Variants in LMX1A observed in about 807,000 individuals in gnomAD.
LMX1A encodes LIM homeobox transcription factor 1 alpha, also known as LIM homeobox transcription factor 1-alpha.
LMX1A carries 15 observed loss-of-function variants against 49.1 expected under a neutral mutation model. The observed-to-expected ratio is 0.31, with a 90% CI of 0.20 to 0.47. The LOEUF is 0.47. LMX1A is among the 20% of genes least tolerant of loss of function. The pLI is 1.00. For missense variants in LMX1A, 372 were observed against 475.8 expected, an observed-to-expected ratio of 0.78 and a Z score of 2.03; for synonymous variants, 167 against 185.7, an observed-to-expected ratio of 0.90 and a Z score of 0.82.
intron 4 of LMX1A, among the ~76,000 whole-genome samples, chr1:165,232,875 T>C (rs1422087065): frequency 6.6e-6 from 1 of 152,162 alleles, no homozygotes; most frequent in Non-Finnish European, 1.5e-5. Context: ...TTCCCAACCA[T>C]ATGAAAAGGG....
chr1:165,316,837 C>T (rs1156503261), intron 3 of LMX1A, among the ~76,000 whole-genome samples: 1 of 152,138 alleles, frequency 6.6e-6, no homozygotes, highest in Non-Finnish European at 1.5e-5. Flanking sequence ...CCTCCCCATC[C>T]GGATCCCACA....
chr1:165,260,724 C>G (rs191551609), intron 3 of LMX1A, among the ~76,000 whole-genome samples: 218 of 152,254 alleles, frequency 1.4e-3, no homozygotes, highest in African/African-American at 4.9e-3. Context: ...AACATGACTC[C>G]TGTTCTCAAG....
At chr1:165,255,302 T>C (rs1440684086) in intron 3 of LMX1A, among the ~76,000 whole-genome samples, 1 of 152,236 alleles carries the variant, frequency 6.6e-6, no homozygotes, top group Non-Finnish European at 1.5e-5. Flanking sequence ...CCTCTCACTC[T>C]CTCTTTTCCA....
intron 3 of LMX1A, among the ~76,000 whole-genome samples, chr1:165,256,141 T>A (rs1653228202): frequency 6.6e-6 from 1 of 152,118 alleles, no homozygotes; most frequent in Non-Finnish European, 1.5e-5. Context: ...AACATGCTCC[T>A]TACACCAAGC....
At chr1:165,265,603 A>G (rs1046259602) in intron 3 of LMX1A, among the ~76,000 whole-genome samples, 4 of 152,292 alleles carry the variant, frequency 2.6e-5, no homozygotes, top group Admixed American at 6.5e-5. Context: ...AGCCATACAC[A>G]CTGGCATCAA....
At chr1:165,210,821 G>A (rs1651351003) in intron 5 of LMX1A, 45 bp from the exon 6 acceptor site, 1 of 1,446,566 alleles carries the variant, frequency 6.9e-7, no homozygotes. Context: ...GGCATCTCAG[G>A]GTAGGAGGTA....
chr1:165,245,843 G>C (rs1652833217), intron 4 of LMX1A, among the ~76,000 whole-genome samples: 1 of 152,000 alleles, frequency 6.6e-6, no homozygotes, highest in Non-Finnish European at 1.5e-5. Context: ...GGTTCTGCTA[G>C]CTTGTCAAAA....
At chr1:165,353,503 T>C (rs962654457) in intron 2 of LMX1A, among the ~76,000 whole-genome samples, 13 of 152,166 alleles carry the variant, frequency 8.5e-5, no homozygotes, top group Admixed American at 2.0e-4. Context: ...TAGAAATCAA[T>C]AATTGGCCTT....
chr1:165,356,617 G>C lies in LMX1A; in HGVS notation c.-285C>G, dbSNP rs1247246991. The C allele has an allele frequency of 1.3e-5, 2 of 152,728 alleles. No individual in the cohort carries two copies. The allele number at this position is 152,728 out of a possible 1,614,324, so 9.5% of individuals were successfully genotyped here. A position where few individuals can be genotyped will look rare whatever the true frequency, so the allele number is the denominator to read the frequency against. On this transcript the variant is annotated 5_prime_UTR_variant, in exon 1 of 9. Coordinates refer to ENST00000342310, the MANE Select transcript of LMX1A (RefSeq NM_177398.4). ...CCCGCGTCGCTCCTCAGCGGGAGGA[G>C]AGGGCCAGTTGCTTCTCCAAGGCTA... is the stretch of plus-strand genomic sequence containing the variant.
intron 3 of LMX1A, among the ~76,000 whole-genome samples, chr1:165,280,915 G>A (rs1304327143): frequency 6.6e-6 from 1 of 152,072 alleles, no homozygotes; most frequent in East Asian, 1.9e-4. Context: ...ACAGTCAATG[G>A]GGGGCAGAAA....
At chr1:165,334,186 G>A (rs971217192) in intron 3 of LMX1A, among the ~76,000 whole-genome samples, 4 of 152,192 alleles carry the variant, frequency 2.6e-5, no homozygotes, top group South Asian at 2.1e-4. Context: ...TGAGACTGCC[G>A]ACTGACCCAC....
chr1:165,208,042 TG>T lies in LMX1A; in HGVS notation c.817+20del. 1 of 1,611,540 alleles carries T rather than the reference TG, an allele frequency of 6.2e-7. No homozygotes were observed. The highest frequency in any genetic ancestry group is 8.5e-7 in the Non-Finnish European group (1 of 1,178,462). On this transcript the variant is annotated intron_variant, in intron 7 of 8. Transcript: ENST00000342310. The stretch of plus-strand genomic sequence containing the variant: ...AGCCTGGATTCCAGCCAGAACTGCC[TG>T]GGAGGAGGCACCAGCTTACCAGAGC...
intron 5 of LMX1A, among the ~76,000 whole-genome samples, chr1:165,211,856 C>T (rs1335351636): frequency 6.6e-6 from 1 of 152,108 alleles, no homozygotes; most frequent in Non-Finnish European, 1.5e-5. Context: ...CCTGGCTTCC[C>T]CTCTGTTATG....
chr1:165,281,206 A>G (rs1306463141), intron 3 of LMX1A, among the ~76,000 whole-genome samples: 1 of 152,238 alleles, frequency 6.6e-6, no homozygotes, highest in Non-Finnish European at 1.5e-5. Context: ...CTGAGAAAAA[A>G]AAAGAAAAAG....
intron 3 of LMX1A, among the ~76,000 whole-genome samples, chr1:165,294,621 A>T (rs761195815): frequency 1.3e-5 from 2 of 152,240 alleles, no homozygotes; most frequent in Non-Finnish European, 2.9e-5. Context: ...ACCCTTTAGC[A>T]GTTAAGCCTT....
intron 3 of LMX1A, among the ~76,000 whole-genome samples, chr1:165,303,424 C>G (rs1654839176): frequency 6.6e-6 from 1 of 152,180 alleles, no homozygotes; most frequent in Non-Finnish European, 1.5e-5. Flanking sequence ...GACCTTGTAC[C>G]CACTCTGGTG....
At position 165,236,857 on chromosome 1, in the gene LMX1A, T is replaced by C. The variant is rs1349508395; in HGVS notation, c.496+12551A>G. 4.6e-5 allele frequency among the ~76,000 whole-genome samples: 7 copies of C among 151,854 alleles called. No individual in the cohort carries two copies. In the East Asian group the frequency reaches 1.4e-3, roughly 29 times the overall value. ...CTATTCCACAGGAGTTCAAAGTTTT[T>C]TTTTTTTTTTAGTACATAAGTAGAA... is the stretch of plus-strand genomic sequence containing the variant. On this transcript the variant is annotated intron_variant, in intron 4 of 8. Transcript: ENST00000342310.
intron 3 of LMX1A, among the ~76,000 whole-genome samples, chr1:165,326,871 T>C (rs1445761384): frequency 6.6e-6 from 1 of 152,176 alleles, no homozygotes; most frequent in Non-Finnish European, 1.5e-5. Context: ...GCAATCACAA[T>C]TGGCATCAAG....
chr1:165,235,074 A>T (rs1479602314), intron 4 of LMX1A, among the ~76,000 whole-genome samples: 5 of 152,132 alleles, frequency 3.3e-5, no homozygotes, highest in African/African-American at 4.8e-5. Context: ...CTGATATTTA[A>T]ATCACCTCGC....
Sources: gnomAD v4.1 joint callset for allele counts (sites outside exome capture counted in the v4.1 genomes callset) on GRCh38, gnomAD v4.1.1 for gene constraint, MANE v1.5 for transcripts, NCBI Gene and HGNC (gene_info 2026-07-23, HGNC 2026-07-21) for gene names.